SMARCAL1: variants seen among roughly 807,000 people sequenced by gnomAD.
The protein encoded by SMARCAL1 is SNF2 related chromatin remodeling annealing helicase 1, also known as ATP-driven annealing helicase.
A neutral mutation model predicts 94.5 loss-of-function variants in SMARCAL1; 58 were observed. The ratio of observed to expected loss-of-function variants is 0.61; its 90% CI spans 0.50 to 0.76. The LOEUF (loss-of-function observed/expected upper bound fraction) is 0.76. Ranked by LOEUF, SMARCAL1 falls within the 30% of genes least tolerant of loss-of-function variation. The pLI, the probability that SMARCAL1 is intolerant of heterozygous loss-of-function variation, is 0.00. For synonymous variants in SMARCAL1, 422 were observed against 455.1 expected, an observed-to-expected ratio of 0.93 and a Z score of 0.93; for missense variants, 1,051 against 1,177.9, an observed-to-expected ratio of 0.89 and a Z score of 1.58.
At chr2:216,430,590 C>T (rs1403012933) in intron 7 of SMARCAL1, among the ~76,000 whole-genome samples, 2 of 152,162 alleles carry the variant, frequency 1.3e-5, no homozygotes, top group African/African-American at 4.8e-5. Context: ...GTTATCCAGG[C>T]TTTTTCTGTC....
At chr2:216,432,946 C>G (rs1305160632) in intron 8 of SMARCAL1, 78 bp downstream of exon 8, 56 of 1,560,198 alleles carry the variant, frequency 3.6e-5, no homozygotes, top group Non-Finnish European at 4.8e-5. Context: ...GGTTTGCAGA[C>G]AGGGCCTAGG....
intron 13 of SMARCAL1, among the ~76,000 whole-genome samples, chr2:216,466,961 CAG>C (rs939843250): frequency 1.3e-5 from 2 of 152,138 alleles, no homozygotes; most frequent in African/African-American, 4.8e-5. Flanking sequence ...TTAAGGAAGG[CAG>C]AGTCTGTTCC....
intron 4 of SMARCAL1, among the ~76,000 whole-genome samples, chr2:216,417,338 G>T (rs1220595878): frequency 2.6e-5 from 4 of 151,052 alleles, no homozygotes; most frequent in Admixed American, 6.6e-5. Flanking sequence ...ACCACTGACT[G>T]GGTGGCTTAA....
At chr2:216,440,692 C>A (rs556732062) in intron 10 of SMARCAL1, among the ~76,000 whole-genome samples, 1 of 152,272 alleles carries the variant, frequency 6.6e-6, no homozygotes, top group South Asian at 2.1e-4. Flanking sequence ...ATTCTGTTAA[C>A]CGAACCTTTC....
intron 5 of SMARCAL1, among the ~76,000 whole-genome samples, chr2:216,421,681 C>A (rs987405340): frequency 6.6e-6 from 1 of 152,172 alleles, no homozygotes; most frequent in Non-Finnish European, 1.5e-5. Flanking sequence ...GGGTGTCATT[C>A]TCAGCTTGGG....
At chr2:216,463,472 T>C (rs1227275532) in intron 12 of SMARCAL1, among the ~76,000 whole-genome samples, 1 of 152,018 alleles carries the variant, frequency 6.6e-6, no homozygotes, top group East Asian at 1.9e-4. Context: ...GATGCCCCAC[T>C]TCCCACCACC....
intron 12 of SMARCAL1, among the ~76,000 whole-genome samples, chr2:216,452,570 A>G (rs1694472542): frequency 6.7e-6 from 1 of 148,968 alleles, no homozygotes; most frequent in Non-Finnish European, 1.5e-5. Flanking sequence ...TCCCCAGAGA[A>G]CACCCTCACC....
At chr2:216,444,644 G>A (rs896286525) in intron 10 of SMARCAL1, among the ~76,000 whole-genome samples, 3 of 152,164 alleles carry the variant, frequency 2.0e-5, no homozygotes, top group African/African-American at 7.2e-5. Context: ...TCAGCCTCCT[G>A]AGTAGTGGGA....
At chr2:216,416,147 G>A in intron 3 of SMARCAL1, 110 bp from the exon 4 acceptor site, 2 of 860,506 alleles carry the variant, frequency 2.3e-6, no homozygotes, top group South Asian at 1.3e-5. Context: ...GGGCTTGCTG[G>A]TCAGCTGTTT....
intron 4 of SMARCAL1, 72 bp downstream of exon 4, chr2:216,416,379 C>A (rs1693602465): frequency 1.5e-6 from 2 of 1,315,198 alleles, no homozygotes; most frequent in South Asian, 1.2e-5. Context: ...CACATGTAGT[C>A]CAGCTTATGG....
chr2:216,473,095 A>G lies in SMARCAL1; in HGVS notation c.2245-2174A>G, dbSNP rs573626672. ...ATTAATGAGAATCAAGATAGGAAACATATCTGCCACCCGCTGCCCCCACCC... is the reference window on the plus strand; with the variant it reads ...ATTAATGAGAATCAAGATAGGAAACGTATCTGCCACCCGCTGCCCCCACCC... On this transcript the variant is annotated intron_variant, in intron 14 of 17. Coordinates refer to ENST00000357276, the MANE Select transcript of SMARCAL1 (RefSeq NM_014140.4). Among the ~76,000 whole-genome samples, 57 of 152,268 alleles carry G rather than the reference A, an allele frequency of 3.7e-4. 2 individuals carry two copies. The South Asian group carries it at 4.1e-3, about 11-fold the overall frequency.
intron 10 of SMARCAL1, among the ~76,000 whole-genome samples, chr2:216,439,252 C>T (rs1394160393): frequency 6.6e-6 from 1 of 152,120 alleles, no homozygotes; most frequent in Non-Finnish European, 1.5e-5. Context: ...TTTCATCTGT[C>T]TCTCTCTTCT....
chr2:216,444,238 G>C (rs1694257563), intron 10 of SMARCAL1, among the ~76,000 whole-genome samples: 1 of 152,086 alleles, frequency 6.6e-6, no homozygotes, highest in Non-Finnish European at 1.5e-5. Context: ...ATATGGTATT[G>C]TATAAATTTA....
Position 216,415,059 on chromosome 2 carries a change from C to T in SMARCAL1, c.355C>T (p.Leu119Phe). Residue 119 changes from leucine (L) to phenylalanine (F), a missense_variant, in exon 3 of 18, where the codon CTC becomes TTC. Transcript: ENST00000357276. ...CCACAGTCCACGTAGTCAAATGGCT[C>T]TCACTGGAATCTCTCCTCCCTTGGC... ...PGHSPRSQMA[L>F]TGISPPLAQS... 6.2e-7 allele frequency: 1 copy of T among 1,614,224 alleles called. No homozygotes were observed. The highest frequency in any genetic ancestry group is 8.5e-7 in the Non-Finnish European group (1 of 1,180,042).
chr2:216,422,210 T>C (rs369464456), intron 5 of SMARCAL1, among the ~76,000 whole-genome samples: 219 of 152,192 alleles, frequency 1.4e-3, no homozygotes, highest in African/African-American at 4.7e-3. Context: ...GGTGAAACCC[T>C]GTCTACTAAA....
chr2:216,457,559 A>C (rs1694597206), intron 12 of SMARCAL1, among the ~76,000 whole-genome samples: 1 of 152,236 alleles, frequency 6.6e-6, no homozygotes, highest in African/African-American at 2.4e-5. Context: ...AACTACATGG[A>C]AACTGAACAA....
chr2:216,481,192 T>G (rs1574487550), intron 17 of SMARCAL1, among the ~76,000 whole-genome samples: 1 of 136,888 alleles, frequency 7.3e-6, no homozygotes, highest in South Asian at 2.4e-4. Flanking sequence ...TTATATTTAT[T>G]TATTTATTTA....
chr2:216,467,247 A>G (rs1407739484), intron 13 of SMARCAL1, among the ~76,000 whole-genome samples: 1 of 152,062 alleles, frequency 6.6e-6, no homozygotes, highest in African/African-American at 2.4e-5. Flanking sequence ...AAGGTGGGCA[A>G]ATCACTTGAG....
chr2:216,476,996 A>G, intron 15 of SMARCAL1, 113 bp from the exon 16 acceptor site: 1 of 807,516 alleles, frequency 1.2e-6, no homozygotes, highest in African/African-American at 1.7e-5. Context: ...AAGTGCTTTG[A>G]GGAGGGAGGG....
Sources: gnomAD v4.1 joint callset for allele counts (sites outside exome capture counted in the v4.1 genomes callset) on GRCh38, gnomAD v4.1.1 for gene constraint, MANE v1.5 for transcripts, NCBI Gene and HGNC (gene_info 2026-07-23, HGNC 2026-07-21) for gene names.